The following MMP16 variants were observed in gnomAD, a reference collection of about 807,000 sequenced individuals.
MMP16 encodes matrix metalloproteinase-16.
MMP16 carries 12 observed loss-of-function variants against 67.8 expected under a neutral mutation model. That is an observed-to-expected ratio of 0.18 (90% CI 0.11 to 0.29). The LOEUF is 0.29. MMP16 is among the 10% of genes least tolerant of loss of function. The pLI is 1.00. For missense variants in MMP16, 475 were observed against 765.7 expected, an observed-to-expected ratio of 0.62 and a Z score of 4.48; for synonymous variants, 249 against 255.9, an observed-to-expected ratio of 0.97 and a Z score of 0.26.
At chr8:88,127,045 C>T (rs868748989) in intron 4 of MMP16, among the ~76,000 whole-genome samples, 3 of 151,776 alleles carry the variant, frequency 2.0e-5, no homozygotes, top group South Asian at 2.1e-4. Context: ...TACACTGGAT[C>T]GCAGTAAGTA....
rs142579681 is a variant in MMP16, at chr8:88,250,077, C to A, written c.133-52771G>T. Among the ~76,000 whole-genome samples, 13 of 152,178 alleles carry A rather than the reference C, an allele frequency of 8.5e-5. 2 individuals carry two copies. The highest frequency in any genetic ancestry group is 3.1e-4 in the African/African-American group (13 of 41,542). On this transcript the variant is annotated intron_variant, in intron 1 of 9. Transcript: ENST00000286614. ...TGCAGCTGCTTCTAATCTTTCCTGA[C>A]CACCAGAAATATGTTCTAGCTGTAG...
intron 1 of MMP16, among the ~76,000 whole-genome samples, chr8:88,322,761 C>G (rs1811480303): frequency 6.6e-6 from 1 of 151,918 alleles, no homozygotes; most frequent in South Asian, 2.1e-4. Context: ...GGGAGGATTG[C>G]TTGAGCCCAG....
At chr8:88,289,691 C>CACAA (rs1326143059) in intron 1 of MMP16, among the ~76,000 whole-genome samples, 14 of 680 alleles carry the variant, frequency 0.021, no homozygotes, top group Non-Finnish European at 0.035. Context: ...CTAGAGGAAA[C>CACAA]ACACACACAC....
chr8:88,202,896 A>G (rs1300224467), intron 1 of MMP16, among the ~76,000 whole-genome samples: 1 of 152,122 alleles, frequency 6.6e-6, no homozygotes, highest in Non-Finnish European at 1.5e-5. Flanking sequence ...GTGAAGAGAA[A>G]TGCTGAACAA....
At chr8:88,203,535 A>C (rs1312538821) in intron 1 of MMP16, among the ~76,000 whole-genome samples, 1 of 152,182 alleles carries the variant, frequency 6.6e-6, no homozygotes, top group Non-Finnish European at 1.5e-5. Flanking sequence ...TCATACATTC[A>C]TCACCACTAG....
At chr8:88,141,925 T>C (rs1808218340) in intron 4 of MMP16, among the ~76,000 whole-genome samples, 1 of 152,136 alleles carries the variant, frequency 6.6e-6, no homozygotes, top group Middle Eastern at 3.4e-3. Context: ...ATATGTTTTT[T>C]TTTTTTTGAG....
At chr8:88,166,726 T>G (rs1437975991) in intron 4 of MMP16, among the ~76,000 whole-genome samples, 1 of 132,228 alleles carries the variant, frequency 7.6e-6, no homozygotes, top group Non-Finnish European at 1.6e-5. Context: ...TATATATATA[T>G]ATATTCTTAA....
intron 1 of MMP16, among the ~76,000 whole-genome samples, chr8:88,209,501 GTAGT>G (rs1563562957): frequency 6.6e-6 from 1 of 152,078 alleles, no homozygotes; most frequent in Non-Finnish European, 1.5e-5. Flanking sequence ...GAGGCTATTG[GTAGT>G]TAGTTTTGGG....
chr8:88,213,807 A>G (rs1809547926), intron 1 of MMP16, among the ~76,000 whole-genome samples: 1 of 152,166 alleles, frequency 6.6e-6, no homozygotes, highest in African/African-American at 2.4e-5. Context: ...AAAATTAACC[A>G]TAAATATCAA....
At chr8:88,149,735 A>G (rs1233985543) in intron 4 of MMP16, among the ~76,000 whole-genome samples, 10 of 152,082 alleles carry the variant, frequency 6.6e-5, no homozygotes, top group African/African-American at 2.4e-4. Context: ...AAAGACCAAA[A>G]GTAGATAAAA....
chr8:88,300,843 G>C (rs926308701), intron 1 of MMP16, among the ~76,000 whole-genome samples: 1 of 152,030 alleles, frequency 6.6e-6, no homozygotes, highest in African/African-American at 2.4e-5. Flanking sequence ...TTAAGAGCCT[G>C]AAGTAAGAGT....
chr8:88,317,934 C>A (rs1811399535), intron 1 of MMP16, among the ~76,000 whole-genome samples: 1 of 152,142 alleles, frequency 6.6e-6, no homozygotes, highest in South Asian at 2.1e-4. Context: ...CTGGACTGAT[C>A]TATCTCTGAA....
chr8:88,229,367 C>T (rs1401111568), intron 1 of MMP16, among the ~76,000 whole-genome samples: 1 of 151,896 alleles, frequency 6.6e-6, no homozygotes, highest in Non-Finnish European at 1.5e-5. Flanking sequence ...AAAGCATAAA[C>T]TAAACAAAAC....
At chr8:88,236,161 T>C (rs1450086117) in intron 1 of MMP16, among the ~76,000 whole-genome samples, 1 of 152,190 alleles carries the variant, frequency 6.6e-6, no homozygotes, top group Non-Finnish European at 1.5e-5. Context: ...ATACAAAAAG[T>C]GCACAAAGGA....
chr8:88,238,098 G>T (rs1809973159), intron 1 of MMP16, among the ~76,000 whole-genome samples: 1 of 152,164 alleles, frequency 6.6e-6, no homozygotes, highest in South Asian at 2.1e-4. Context: ...GAAATATGGT[G>T]AACCTGTCAC....
At chr8:88,116,281 T>G (rs1162383356) in intron 6 of MMP16, among the ~76,000 whole-genome samples, 2 of 152,106 alleles carry the variant, frequency 1.3e-5, no homozygotes, top group African/African-American at 4.8e-5. Context: ...ATTTTAGGCA[T>G]TTTAGCTTCT....
At chr8:88,083,222 A>G (rs1288529018) in intron 6 of MMP16, among the ~76,000 whole-genome samples, 3 of 152,096 alleles carry the variant, frequency 2.0e-5, no homozygotes, top group Non-Finnish European at 4.4e-5. Flanking sequence ...AGAATTTTCT[A>G]ATTTTTTCTA....
At chr8:88,267,868 T>A (rs537691461) in intron 1 of MMP16, among the ~76,000 whole-genome samples, 78 of 152,292 alleles carry the variant, frequency 5.1e-4, no homozygotes, top group Middle Eastern at 6.8e-3. Flanking sequence ...ATTGACATCA[T>A]ATTCCTATTC....
chr8:88,144,016 A>C (rs1490767688), intron 4 of MMP16, among the ~76,000 whole-genome samples: 2 of 151,966 alleles, frequency 1.3e-5, no homozygotes, highest in African/African-American at 4.8e-5. Context: ...TCATCTGGCT[A>C]AAATTTTGTC....
Sources: gnomAD v4.1 joint callset for allele counts (sites outside exome capture counted in the v4.1 genomes callset) on GRCh38, gnomAD v4.1.1 for gene constraint, MANE v1.5 for transcripts, NCBI Gene and HGNC (gene_info 2026-07-23, HGNC 2026-07-21) for gene names.